Variants in ERC2 observed in about 807,000 individuals in gnomAD.
ERC2 encodes ELKS/RAB6-interacting/CAST family member 2.
In ERC2, 42 loss-of-function variants were observed where a neutral mutation model predicts 114.8. That is an observed-to-expected ratio of 0.37 (90% CI 0.29 to 0.47). The LOEUF (loss-of-function observed/expected upper bound fraction) is 0.47, where lower values mean the gene tolerates loss of function less well. Among genes scored for constraint, ERC2 ranks in the 20% least tolerant of loss-of-function variants. The probability of loss-of-function intolerance (pLI) is 0.99; values close to 1 mark genes in which losing one functional copy is unlikely to be tolerated. For synonymous variants in ERC2, 454 were observed against 425.5 expected (o/e 1.07, Z -0.82); for missense variants, 939 against 1,150.7 (o/e 0.82, Z 2.66).
At chr3:55,520,251 C>T (rs1253258254) in intron 17 of ERC2, among the ~76,000 whole-genome samples, 3 of 151,388 alleles carry the variant, frequency 2.0e-5, no homozygotes, top group Non-Finnish European at 2.9e-5. Context: ...GCCTGGCCAA[C>T]GTGGTGAAAC....
chr3:56,405,020 G>A (rs1044814209), intron 2 of ERC2, among the ~76,000 whole-genome samples: 4 of 152,162 alleles, frequency 2.6e-5, no homozygotes, highest in African/African-American at 7.2e-5. Context: ...CAGACCAAGC[G>A]AACGTACAAG....
At chr3:55,835,727 A>C (rs550696079) in intron 14 of ERC2, among the ~76,000 whole-genome samples, 1 of 152,194 alleles carries the variant, frequency 6.6e-6, no homozygotes, top group Non-Finnish European at 1.5e-5. Context: ...ACTCCTATTC[A>C]GTATAGTGTT....
chr3:56,300,319 C>A (rs781642267), intron 2 of ERC2, among the ~76,000 whole-genome samples: 5 of 150,982 alleles, frequency 3.3e-5, no homozygotes, highest in Non-Finnish European at 5.9e-5. Flanking sequence ...AAAAAAATAG[C>A]CCATATTCAA....
chr3:55,841,252 T>C (rs947387466), intron 14 of ERC2, among the ~76,000 whole-genome samples: 2 of 152,148 alleles, frequency 1.3e-5, no homozygotes, highest in Admixed American at 1.3e-4. Flanking sequence ...GCGTTCCATG[T>C]GAGGGACCTG....
chr3:56,259,393 C>T (rs542881617), intron 3 of ERC2, among the ~76,000 whole-genome samples: 4 of 152,068 alleles, frequency 2.6e-5, no homozygotes, highest in African/African-American at 7.2e-5. Flanking sequence ...CCCGCCTTAC[C>T]GCAAAAAATA....
intron 17 of ERC2, among the ~76,000 whole-genome samples, chr3:55,555,878 G>A (rs567879714): frequency 2.6e-5 from 4 of 152,298 alleles, no homozygotes; most frequent in Admixed American, 2.0e-4. Flanking sequence ...GGTCACCGAG[G>A]AAAGATTTCA....
At chr3:56,373,886 T>C (rs937873766) in intron 2 of ERC2, among the ~76,000 whole-genome samples, 1 of 152,232 alleles carries the variant, frequency 6.6e-6, no homozygotes, top group African/African-American at 2.4e-5. Flanking sequence ...TTGTGGGTTT[T>C]TTTAAACCCC....
chr3:55,835,140 C>T (rs1198939603), intron 14 of ERC2, among the ~76,000 whole-genome samples: 1 of 152,006 alleles, frequency 6.6e-6, no homozygotes. Flanking sequence ...AGTCCAGGAC[C>T]AGATGGATTC....
At chr3:55,847,870 C>G (rs1228315135) in intron 14 of ERC2, among the ~76,000 whole-genome samples, 4 of 152,156 alleles carry the variant, frequency 2.6e-5, no homozygotes, top group African/African-American at 9.7e-5. Flanking sequence ...GCGATCACAG[C>G]TCACTGCAGC....
intron 3 of ERC2, among the ~76,000 whole-genome samples, chr3:56,266,573 C>T (rs1289081982): frequency 5.9e-5 from 9 of 152,120 alleles, no homozygotes; most frequent in Non-Finnish European, 8.8e-5. Context: ...TGAGATATCT[C>T]CCCACTCCTG....
At chr3:56,063,538 A>G (rs556947509) in intron 7 of ERC2, among the ~76,000 whole-genome samples, 1 of 152,318 alleles carries the variant, frequency 6.6e-6, no homozygotes, top group South Asian at 2.1e-4. Flanking sequence ...TTGAACACCT[A>G]CTATGCTGAG....
chr3:55,926,009 T>C (rs912357442), intron 13 of ERC2, among the ~76,000 whole-genome samples: 9 of 152,208 alleles, frequency 5.9e-5, no homozygotes. Flanking sequence ...TTTTAGCAAG[T>C]ACATATTTCC....
intron 2 of ERC2, among the ~76,000 whole-genome samples, chr3:56,408,847 C>G (rs2060827564): frequency 6.6e-6 from 1 of 151,754 alleles, no homozygotes; most frequent in Non-Finnish European, 1.5e-5. Flanking sequence ...GCAGCAGCAA[C>G]GCAGGCAGGG....
chr3:55,760,687 C>G (rs2067371207), intron 14 of ERC2, among the ~76,000 whole-genome samples: 1 of 152,198 alleles, frequency 6.6e-6, no homozygotes, highest in African/African-American at 2.4e-5. Flanking sequence ...ATCTGGCTTT[C>G]CACGGGGTGT....
intron 17 of ERC2, among the ~76,000 whole-genome samples, chr3:55,630,301 C>T (rs1297019823): frequency 6.6e-6 from 1 of 152,140 alleles, no homozygotes. Flanking sequence ...GCCTGAGTAG[C>T]TGGAATTACA....
At chr3:56,420,535 T>A (rs1270385753) in intron 2 of ERC2, among the ~76,000 whole-genome samples, 2 of 151,908 alleles carry the variant, frequency 1.3e-5, no homozygotes, top group Non-Finnish European at 2.9e-5. Flanking sequence ...AGTTTACAGA[T>A]CCTAATTAGT....
chr3:56,423,591 G>C (rs2061463613), intron 2 of ERC2, among the ~76,000 whole-genome samples: 1 of 152,230 alleles, frequency 6.6e-6, no homozygotes, highest in South Asian at 2.1e-4. Flanking sequence ...AAGATGAAAA[G>C]TAGCTGCCTC....
At chr3:55,937,817 A>G (rs1339876823) in intron 13 of ERC2, among the ~76,000 whole-genome samples, 1 of 152,208 alleles carries the variant, frequency 6.6e-6, no homozygotes, top group African/African-American at 2.4e-5. Context: ...ATGAGTTTGT[A>G]TTCAGGGTGG....
At chr3:55,780,636 C>T (rs2068965443) in intron 14 of ERC2, among the ~76,000 whole-genome samples, 1 of 152,112 alleles carries the variant, frequency 6.6e-6, no homozygotes, top group African/African-American at 2.4e-5. Context: ...TCACATATGC[C>T]AGTCTTTATG....
Sources: allele counts gnomAD v4.1 joint callset (sites outside exome capture counted in the v4.1 genomes callset), GRCh38; gene constraint gnomAD v4.1.1; transcripts MANE v1.5; gene names NCBI Gene and HGNC (gene_info 2026-07-23, HGNC 2026-07-21).